SYNDIG1: variants seen among roughly 807,000 people sequenced by gnomAD.
SYNDIG1 encodes the protein synapse differentiation inducing 1, also known as synapse differentiation-inducing gene protein 1.
Under a neutral mutation model 19.4 loss-of-function variants are expected in SYNDIG1, and 9 were observed. The observed-to-expected ratio is 0.46, with a 90% CI of 0.28 to 0.81. The LOEUF is 0.81. SYNDIG1 is among the 30% of genes least tolerant of loss of function. The pLI is 0.12. For synonymous variants in SYNDIG1, 141 were observed against 145.9 expected (o/e 0.97, Z 0.24); for missense variants, 311 against 343.3 (o/e 0.91, Z 0.74).
intron 1 of SYNDIG1, among the ~76,000 whole-genome samples, chr20:24,501,341 G>A (rs1463690176): frequency 6.6e-6 from 1 of 152,206 alleles, no homozygotes; most frequent in Non-Finnish European, 1.5e-5. Context: ...CAGGGCAGTA[G>A]CCCCGGATGA....
At chr20:24,574,039 C>G (rs547719591) in intron 2 of SYNDIG1, among the ~76,000 whole-genome samples, 1 of 152,322 alleles carries the variant, frequency 6.6e-6, no homozygotes, top group South Asian at 2.1e-4. Context: ...ATACATCTTA[C>G]ACTGATTTCC....
chr20:24,498,548 A>G (rs2056358759), intron 1 of SYNDIG1, among the ~76,000 whole-genome samples: 1 of 150,436 alleles, frequency 6.6e-6, no homozygotes, highest in Non-Finnish European at 1.5e-5. Context: ...CCACCATTCC[A>G]CTCTCTGCTG....
At chr20:24,651,334 G>A (rs1313739121) in intron 3 of SYNDIG1, among the ~76,000 whole-genome samples, 3 of 152,134 alleles carry the variant, frequency 2.0e-5, no homozygotes, top group Non-Finnish European at 4.4e-5. Flanking sequence ...TGTCACAAAT[G>A]TATCTCTTGG....
intron 1 of SYNDIG1, among the ~76,000 whole-genome samples, chr20:24,508,527 A>G (rs2146441369): frequency 6.6e-6 from 1 of 152,276 alleles, no homozygotes; most frequent in Admixed American, 6.5e-5. Flanking sequence ...CCAGGAGGAT[A>G]ATATTTAAAT....
intron 1 of SYNDIG1, among the ~76,000 whole-genome samples, chr20:24,477,851 A>G (rs1210985912): frequency 6.6e-6 from 1 of 152,154 alleles, no homozygotes; most frequent in African/African-American, 2.4e-5. Context: ...GCATTGGCCA[A>G]AGAATAGACC....
At chr20:24,566,439 A>T (rs895421697) in intron 2 of SYNDIG1, among the ~76,000 whole-genome samples, 1 of 152,246 alleles carries the variant, frequency 6.6e-6, no homozygotes, top group Non-Finnish European at 1.5e-5. Context: ...AATAAATGAA[A>T]CTATCAGAGA....
intron 2 of SYNDIG1, among the ~76,000 whole-genome samples, chr20:24,566,031 A>G (rs2058036455): frequency 6.6e-6 from 1 of 152,188 alleles, no homozygotes; most frequent in South Asian, 2.1e-4. Context: ...GGGAGCCATG[A>G]GCAAGTGATT....
chr20:24,593,227 GTT>G (rs2058540828), intron 3 of SYNDIG1, among the ~76,000 whole-genome samples: 1 of 152,142 alleles, frequency 6.6e-6, no homozygotes, highest in Non-Finnish European at 1.5e-5. Flanking sequence ...CCCATTGTCT[GTT>G]GTTCCTTTTC....
chr20:24,527,643 T>C (rs2057155857), intron 1 of SYNDIG1, among the ~76,000 whole-genome samples: 1 of 151,974 alleles, frequency 6.6e-6, no homozygotes, highest in African/African-American at 2.4e-5. Context: ...TGTGGCTAAA[T>C]TGGGGAGGGG....
intron 1 of SYNDIG1, among the ~76,000 whole-genome samples, chr20:24,480,859 G>A (rs1021951742): frequency 1.2e-4 from 18 of 152,172 alleles, no homozygotes; most frequent in Admixed American, 9.2e-4. Context: ...TATGCTTAGT[G>A]AAATAAGCCA....
chr20:24,612,040 A>G (rs1424236857), intron 3 of SYNDIG1, among the ~76,000 whole-genome samples: 2 of 152,186 alleles, frequency 1.3e-5, no homozygotes, highest in African/African-American at 4.8e-5. Flanking sequence ...AGCAAGAAAA[A>G]TATTGTCCCA....
chr20:24,661,495 G>GGAA (rs1166154984), intron 3 of SYNDIG1, among the ~76,000 whole-genome samples: 2 of 134,890 alleles, frequency 1.5e-5, no homozygotes, highest in African/African-American at 2.8e-5. Context: ...GAAGAAGGGA[G>GGAA]GGAGGGAAGA....
chr20:24,513,221 T>C (rs1389963298), intron 1 of SYNDIG1, among the ~76,000 whole-genome samples: 2 of 152,050 alleles, frequency 1.3e-5, no homozygotes, highest in Admixed American at 1.3e-4. Context: ...CGAGCACCTC[T>C]CCCCCTTCAA....
chr20:24,665,213 GCA>G (rs1163482998), intron 3 of SYNDIG1, 131 bp from the exon 4 acceptor site: 1 of 1,121,040 alleles, frequency 8.9e-7, no homozygotes, highest in Admixed American at 2.4e-5. Flanking sequence ...GCAGGGGTGA[GCA>G]CAGTTTCCCC....
At chr20:24,538,522 T>G (rs2057405709) in intron 1 of SYNDIG1, among the ~76,000 whole-genome samples, 1 of 152,228 alleles carries the variant, frequency 6.6e-6, no homozygotes, top group Admixed American at 6.5e-5. Context: ...CTTGAGATGC[T>G]TTCAGATTTC....
chr20:24,497,519 G>A (rs1220093140), intron 1 of SYNDIG1, among the ~76,000 whole-genome samples: 10 of 152,150 alleles, frequency 6.6e-5, no homozygotes, highest in Non-Finnish European at 1.2e-4. Context: ...TCTTAATTTA[G>A]TATTTTCTTT....
In SYNDIG1 at chr20:24,556,500, T is replaced by G. The variant is rs200102604; in HGVS notation, c.480+12923T>G. ...TCAGGAGCTCTTTTAGGGCAGGCCT[T>G]GTGGTGACAAAATCTCTCAGCATTT... On this transcript the variant is annotated intron_variant, in intron 2 of 3. Transcript: ENST00000376862. Among the ~76,000 whole-genome samples, 91 of 152,286 alleles carry G rather than the reference T, an allele frequency of 6.0e-4. 1 individual carries two copies. In the South Asian group the frequency reaches 0.017, roughly 28 times the overall value.
intron 2 of SYNDIG1, among the ~76,000 whole-genome samples, chr20:24,562,510 T>C (rs761316746): frequency 2.0e-5 from 3 of 152,222 alleles, no homozygotes; most frequent in Non-Finnish European, 4.4e-5. Flanking sequence ...CTTTACACTA[T>C]TATCTTAGAC....
chr20:24,605,784 T>C (rs1322822684), intron 3 of SYNDIG1, among the ~76,000 whole-genome samples: 1 of 152,196 alleles, frequency 6.6e-6, no homozygotes, highest in African/African-American at 2.4e-5. Context: ...AACATGCATG[T>C]TGATTGTCCA....
Sources: allele counts gnomAD v4.1 joint callset (sites outside exome capture counted in the v4.1 genomes callset), GRCh38; gene constraint gnomAD v4.1.1; transcripts MANE v1.5; gene names NCBI Gene and HGNC (gene_info 2026-07-23, HGNC 2026-07-21).